Variants in ADM2 observed in about 807,000 individuals in gnomAD.
ADM2 encodes adrenomedullin 2, also known as protein ADM2.
A neutral mutation model predicts 7.1 loss-of-function variants in ADM2; 5 were observed. That is an observed-to-expected ratio of 0.71 (90% CI 0.37 to 1.49). The LOEUF is 1.49. ADM2 is among the 40% of genes most tolerant of loss of function. The pLI is 0.03. For synonymous variants in ADM2, 123 were observed against 92.8 expected, an observed-to-expected ratio of 1.33 and a Z score of -1.87; for missense variants, 236 against 211.2, an observed-to-expected ratio of 1.12 and a Z score of -0.73.
rs779904329 is a variant in ADM2, at chr22:50,481,882, T to A, written c.35T>A (p.Ile12Asn). ...ATCCCGACGGCCGCCCTGGGTTGCATCAGCCTCCTCTGCCTGCAGCTCCCT... is the reference window on the plus strand; with the variant it reads ...ATCCCGACGGCCGCCCTGGGTTGCAACAGCCTCCTCTGCCTGCAGCTCCCT... ...ARIPTAALGCISLLCLQLPGS... is the reference protein window; with the variant it reads ...ARIPTAALGCNSLLCLQLPGS... The change falls in exon 2 of 3, where the codon ATC becomes AAC. Residue 12 changes from isoleucine (I) to asparagine (N), a missense_variant. Transcript: ENST00000395737. 7.9e-6 allele frequency: 12 copies of A among 1,523,416 alleles called. No individual in the cohort carries two copies. The highest frequency in any genetic ancestry group is 5.4e-5 in the East Asian group (2 of 37,008). The allele number at this position is 1,523,416 out of a possible 1,614,324, so 94.4% of individuals were successfully genotyped here. A position where few individuals can be genotyped will look rare whatever the true frequency, so the allele number is the denominator to read the frequency against.
In ADM2 at chr22:50,483,037, C is replaced by A; in HGVS notation, c.*134C>A. ...AGGTCCTGCAGCAACAATACCTGCA[C>A]GGCTTTGCACACGTAAACCTAGGCT... On this transcript the variant is annotated 3_prime_UTR_variant, in exon 3 of 3. Transcript: ENST00000395737. 1 of 1,389,520 alleles carries A rather than the reference C, an allele frequency of 7.2e-7. No individual in the cohort carries two copies. 86.1% of individuals were successfully genotyped at this position (1,389,520 alleles called of 1,614,324 possible). A position where few individuals can be genotyped will look rare whatever the true frequency, so the allele number is the denominator to read the frequency against.
chr22:50,483,269 C>G lies in ADM2; in HGVS notation c.*366C>G. Reference sequence around the variant, plus strand: ...GAGCAGGGGAGAGAGGCTGAACTGGCCAGAAGTGGCCCCTCCGCTGCTGGT... The same window carrying G: ...GAGCAGGGGAGAGAGGCTGAACTGGGCAGAAGTGGCCCCTCCGCTGCTGGT... On this transcript the variant is annotated 3_prime_UTR_variant, in exon 3 of 3. Transcript: ENST00000395737. The G allele has an allele frequency of 2.0e-6, 1 of 499,912 alleles. No individual in the cohort carries two copies. The highest frequency in any genetic ancestry group is 2.3e-5 in the Admixed American group (1 of 43,766). 31.0% of individuals were successfully genotyped at this position (499,912 alleles called of 1,614,324 possible).
In ADM2 at chr22:50,482,726, G is replaced by A. The variant is rs559809485; in HGVS notation, c.270G>A (p.Ser90=). Residue 90 remains serine (S), a synonymous_variant, in exon 3 of 3, where the codon TCG becomes TCA. Transcript: ENST00000395737. ...QPLRDGGRQH[S]GPRRHSGPRR... ...TCCGGGATGGTGGCCGCCAACACTC[G>A]GGCCCCCGAAGACACTCGGGCCCCC... 94 of 1,280,456 alleles carry A rather than the reference G, an allele frequency of 7.3e-5. 1 individual carries two copies. Among genetic ancestry groups the A allele is most frequent in the Non-Finnish European group, 9.7e-5 (92 of 943,822 alleles). The allele number at this position is 1,280,456 out of a possible 1,614,324, so 79.3% of individuals were successfully genotyped here.
At position 50,481,973 on chromosome 22, in the gene ADM2, G is replaced by C. The variant is rs1261310356; in HGVS notation, c.110+16G>C. 19 of 1,529,866 alleles carry C rather than the reference G, an allele frequency of 1.2e-5. No individual in the cohort carries two copies. Among genetic ancestry groups the C allele is most frequent in the Non-Finnish European group, 1.6e-5 (18 of 1,138,654 alleles). The allele number at this position is 1,529,866 out of a possible 1,614,324, so 94.8% of individuals were successfully genotyped here. Reference sequence around the variant, plus strand: ...TCAAACCCAGGTGAGTCCAGGTCTTGGGCCAGCCAACCCCTCTGGCCCCCG... The same window carrying C: ...TCAAACCCAGGTGAGTCCAGGTCTTCGGCCAGCCAACCCCTCTGGCCCCCG... On this transcript the variant is annotated intron_variant, in intron 2 of 2. Coordinates refer to ENST00000395737, the MANE Select transcript of ADM2 (RefSeq NM_001253845.2).
Position 50,481,573 on chromosome 22 carries a change from C to A in ADM2, c.-202C>A. On this transcript the variant is annotated 5_prime_UTR_variant, in exon 1 of 3. Transcript: ENST00000395737. ...GGCTACGTATTCAGCCCTGGAGGTG[C>A]CATCCCGGGCCGCGACTCCGCTCCA... 1 of 219,644 alleles carries A rather than the reference C, an allele frequency of 4.6e-6. No individual in the cohort carries two copies. Among genetic ancestry groups the A allele is most frequent in the Admixed American group, 5.8e-5 (1 of 17,210 alleles). 13.6% of individuals were successfully genotyped at this position (219,644 alleles called of 1,614,324 possible). A position where few individuals can be genotyped will look rare whatever the true frequency, so the allele number is the denominator to read the frequency against.
chr22:50,482,104 C>T, intron 2 of ADM2, 147 bp downstream of exon 2: 1 of 749,574 alleles, frequency 1.3e-6, no homozygotes, highest in African/African-American at 1.9e-5. Flanking sequence ...GGCTCAGGAG[C>T]GCCTGAGCAG....
At position 50,484,841 on chromosome 22, in the gene ADM2, G is replaced by A. The variant is rs1024037345; in HGVS notation, c.*1938G>A. 1 of 34,940 alleles carries A rather than the reference G, an allele frequency of 2.9e-5. No homozygotes were observed. Among genetic ancestry groups the A allele is most frequent in the South Asian group, 9.3e-4 (1 of 1,072 alleles). 2.2% of individuals were successfully genotyped at this position (34,940 alleles called of 1,614,324 possible). On this transcript the variant is annotated 3_prime_UTR_variant, in exon 3 of 3. Coordinates refer to ENST00000395737, the MANE Select transcript of ADM2 (RefSeq NM_001253845.2). ...CCTGACACCATCACGCGGAGGCCCA[G>A]CAGCACCTGCACCCACTTCCAGCTG...
rs907130964 is a variant in ADM2 at position 50,486,332 on chromosome 22, C to T, written c.*3429C>T. 5 of 155,716 alleles carry T rather than the reference C, an allele frequency of 3.2e-5. No homozygotes were observed. The highest frequency in any genetic ancestry group is 2.5e-4 in the Admixed American group (4 of 15,894). The allele number at this position is 155,716 out of a possible 1,614,324, so 9.6% of individuals were successfully genotyped here. ...CTCGAAGGCCGCCCTAACAACTTCC[C>T]ATCCGCTGACCCCTCCAACGCCATC... On this transcript the variant is annotated 3_prime_UTR_variant, in exon 3 of 3. Coordinates refer to ENST00000395737, the MANE Select transcript of ADM2 (RefSeq NM_001253845.2).
Position 50,483,130 on chromosome 22 carries a change from G to C in ADM2, c.*227G>C, listed in dbSNP as rs1369062213. On this transcript the variant is annotated 3_prime_UTR_variant, in exon 3 of 3. Coordinates refer to ENST00000395737, the MANE Select transcript of ADM2 (RefSeq NM_001253845.2). ...TGAAATTGTGACCCCCTGGGGGACA[G>C]CTGCCAGACACAGCTGGCGGCAGCA... The C allele has an allele frequency of 1.3e-6, 1 of 767,448 alleles. No homozygotes were observed. Among genetic ancestry groups the C allele is most frequent in the Non-Finnish European group, 2.2e-6 (1 of 447,450 alleles). The allele number at this position is 767,448 out of a possible 1,614,324, so 47.5% of individuals were successfully genotyped here. A position where few individuals can be genotyped will look rare whatever the true frequency, so the allele number is the denominator to read the frequency against.
Position 50,481,680 on chromosome 22 carries a change from G to A in ADM2, c.-95G>A. ...ACCCCAGACCCGCTGCCCGCTTCGCGCCCGAGGCCTGCGCCCCGACGGACG... is the reference window on the plus strand; with the variant it reads ...ACCCCAGACCCGCTGCCCGCTTCGCACCCGAGGCCTGCGCCCCGACGGACG... On this transcript the variant is annotated 5_prime_UTR_variant, in exon 1 of 3. Coordinates refer to ENST00000395737, the MANE Select transcript of ADM2 (RefSeq NM_001253845.2). 1 of 337,098 alleles carries A rather than the reference G, an allele frequency of 3.0e-6. No homozygotes were observed. Among genetic ancestry groups the A allele is most frequent in the Admixed American group, 5.0e-5 (1 of 19,942 alleles). The allele number at this position is 337,098 out of a possible 1,614,324, so 20.9% of individuals were successfully genotyped here. A position where few individuals can be genotyped will look rare whatever the true frequency, so the allele number is the denominator to read the frequency against.
chr22:50,482,182 A>G (rs1265044876), intron 2 of ADM2, among the ~76,000 whole-genome samples: 1 of 152,160 alleles, frequency 6.6e-6, no homozygotes, highest in Non-Finnish European at 1.5e-5. Context: ...ACATGGGCAC[A>G]GCAGCCCCTC....
At chr22:50,482,450 G>A in intron 2 of ADM2, 117 bp from the exon 3 acceptor site, 1 of 1,391,668 alleles carries the variant, frequency 7.2e-7, no homozygotes. Context: ...GTGTGTGGAT[G>A]GGGGCTGTGG....
Position 50,483,174 on chromosome 22 carries a change from A to C in ADM2, c.*271A>C, listed in dbSNP as rs1358467558. On this transcript the variant is annotated 3_prime_UTR_variant, in exon 3 of 3. Coordinates refer to ENST00000395737, the MANE Select transcript of ADM2 (RefSeq NM_001253845.2). ...GGCAGCACCAGATGCTAAGCGCTTCAGAGAGGAGGTGTCTGCCCAGAGATG... is the reference window on the plus strand; with the variant it reads ...GGCAGCACCAGATGCTAAGCGCTTCCGAGAGGAGGTGTCTGCCCAGAGATG... 1.5e-6 allele frequency: 1 copy of C among 662,424 alleles called. No individual in the cohort carries two copies. Among genetic ancestry groups the C allele is most frequent in the Non-Finnish European group, 2.8e-6 (1 of 360,646 alleles). The allele number at this position is 662,424 out of a possible 1,614,324, so 41.0% of individuals were successfully genotyped here.
In ADM2 at chr22:50,481,554, G is replaced by A. The variant is rs907212056; in HGVS notation, c.-221G>A. ...CTCCGCCCCTTGCTGGAAAGGCTAC[G>A]TATTCAGCCCTGGAGGTGCCATCCC... is the stretch of plus-strand genomic sequence containing the variant. On this transcript the variant is annotated 5_prime_UTR_variant, in exon 1 of 3. Coordinates refer to ENST00000395737, the MANE Select transcript of ADM2 (RefSeq NM_001253845.2). The A allele has an allele frequency of 1.0e-5, 2 of 197,386 alleles. No individual in the cohort carries two copies. The highest frequency in any genetic ancestry group is 1.0e-5 in the Non-Finnish European group (1 of 98,296). 12.2% of individuals were successfully genotyped at this position (197,386 alleles called of 1,614,324 possible).
At position 50,481,859 on chromosome 22, in the gene ADM2, C is replaced by T. The variant is rs2148630791; in HGVS notation, c.12C>T (p.Ile4=). The T allele has an allele frequency of 6.6e-7, 1 of 1,506,540 alleles. No homozygotes were observed. The allele number at this position is 1,506,540 out of a possible 1,614,324, so 93.3% of individuals were successfully genotyped here. A position where few individuals can be genotyped will look rare whatever the true frequency, so the allele number is the denominator to read the frequency against. Residue 4 remains isoleucine (I), a synonymous_variant, in exon 2 of 3, where the codon ATC becomes ATT. Coordinates refer to ENST00000395737, the MANE Select transcript of ADM2 (RefSeq NM_001253845.2). MAR[I]PTAALGCISL... is the part of the protein sequence containing the mutation. ...CAGCCCCGCCCGCCATGGCCCGGAT[C>T]CCGACGGCCGCCCTGGGTTGCATCA...
In ADM2 at chr22:50,482,689, T is replaced by C. The variant is rs769063189; in HGVS notation, c.233T>C (p.Met78Thr). 2 of 1,602,130 alleles carry C rather than the reference T, an allele frequency of 1.2e-6. No homozygotes were observed. The highest frequency in any genetic ancestry group is 1.7e-4 in the Middle Eastern group (1 of 6,018). ...AQRGAGLAPV[M>T]GQPLRDGGRQ... The stretch of plus-strand genomic sequence containing the variant: ...AGGGGTGCCGGCCTGGCCCCTGTTA[T>C]GGGTCAGCCTCTCCGGGATGGTGGC... Residue 78 changes from methionine to threonine, a missense_variant, in exon 3 of 3, where the codon ATG becomes ACG. Met to Thr is a moderately conservative substitution (Grantham distance 81). Transcript: ENST00000395737.
At position 50,481,634 on chromosome 22, in the gene ADM2, T is replaced by G. The variant is rs1270045562; in HGVS notation, c.-141T>G. On this transcript the variant is annotated 5_prime_UTR_variant, in exon 1 of 3. Coordinates refer to ENST00000395737, the MANE Select transcript of ADM2 (RefSeq NM_001253845.2). ...CCAACCCGCCCAGCCCGCTCCGCCT[T>G]GCGCCCCGGACCCGCGGCCGACCCC... 2 of 272,240 alleles carry G rather than the reference T, an allele frequency of 7.3e-6. No homozygotes were observed. The highest frequency in any genetic ancestry group is 1.4e-5 in the Non-Finnish European group (2 of 147,630). The allele number at this position is 272,240 out of a possible 1,614,324, so 16.9% of individuals were successfully genotyped here.
rs1193396009 is a variant in ADM2 at position 50,486,253 on chromosome 22, T to C, written c.*3350T>C. 1 of 153,468 alleles carries C rather than the reference T, an allele frequency of 6.5e-6. No homozygotes were observed. The highest frequency in any genetic ancestry group is 1.4e-5 in the Non-Finnish European group (1 of 68,976). 9.5% of individuals were successfully genotyped at this position (153,468 alleles called of 1,614,324 possible). On this transcript the variant is annotated 3_prime_UTR_variant, in exon 3 of 3. Coordinates refer to ENST00000395737, the MANE Select transcript of ADM2 (RefSeq NM_001253845.2). Reference sequence around the variant, plus strand: ...TCTCCCACCCTTGATCTCATCACCCTGCCGGCCTCCTGCAAGATCCTCATT... The same window carrying C: ...TCTCCCACCCTTGATCTCATCACCCCGCCGGCCTCCTGCAAGATCCTCATT...
At chr22:50,482,199 G>A (rs753959604) in intron 2 of ADM2, among the ~76,000 whole-genome samples, 1 of 152,216 alleles carries the variant, frequency 6.6e-6, no homozygotes, top group Non-Finnish European at 1.5e-5. Context: ...CCTCTTCTGG[G>A]GGTGTCTGCT....
Sources: allele counts gnomAD v4.1 joint callset (sites outside exome capture counted in the v4.1 genomes callset), GRCh38; gene constraint gnomAD v4.1.1; transcripts MANE v1.5; gene names NCBI Gene and HGNC (gene_info 2026-07-23, HGNC 2026-07-21).